Variants in LRP1B observed in about 807,000 individuals in gnomAD.
The protein encoded by LRP1B is LDL receptor related protein 1B, also known as low-density lipoprotein receptor-related protein 1B.
A neutral mutation model predicts 556.6 loss-of-function variants in LRP1B; 217 were observed. The observed-to-expected ratio is 0.39, with a 90% confidence interval of 0.35 to 0.44. The LOEUF (loss-of-function observed/expected upper bound fraction) is 0.44. Ranked by LOEUF, LRP1B falls within the 20% of genes least tolerant of loss-of-function variation. The probability of loss-of-function intolerance (pLI) is 1.00; values close to 1 mark genes in which losing one functional copy is unlikely to be tolerated. For missense variants in LRP1B, 5,053 were observed against 5,620.8 expected (o/e 0.90, Z 3.23); for synonymous variants, 2,047 against 1,865.8 (o/e 1.10, Z -2.50).
chr2:141,393,076 C>T (rs1400371213), intron 3 of LRP1B, among the ~76,000 whole-genome samples: 1 of 152,166 alleles, frequency 6.6e-6, no homozygotes, highest in African/African-American at 2.4e-5. Flanking sequence ...TTCTGTGGAG[C>T]ACCCATATTG....
At chr2:140,489,835 C>T (rs1056820593) in intron 57 of LRP1B, among the ~76,000 whole-genome samples, 1 of 152,136 alleles carries the variant, frequency 6.6e-6, no homozygotes, top group South Asian at 2.1e-4. Flanking sequence ...TTATCCTATT[C>T]CTTCTTTACA....
intron 35 of LRP1B, among the ~76,000 whole-genome samples, chr2:140,761,483 T>A (rs1430948634): frequency 2.6e-5 from 4 of 152,136 alleles, no homozygotes; most frequent in African/African-American, 9.7e-5. Flanking sequence ...TGATGGGATA[T>A]CATTTCTGAG....
At chr2:142,055,007 G>A (rs1226043492) in intron 1 of LRP1B, among the ~76,000 whole-genome samples, 4 of 152,134 alleles carry the variant, frequency 2.6e-5, no homozygotes, top group African/African-American at 9.7e-5. Context: ...AGCTCACTGT[G>A]TGAGAGAAAA....
chr2:140,958,021 T>C (rs573824826), intron 18 of LRP1B, among the ~76,000 whole-genome samples: 2 of 151,562 alleles, frequency 1.3e-5, no homozygotes, highest in South Asian at 4.1e-4. Context: ...CAAATAAAAA[T>C]TAATCCAGGC....
chr2:140,728,962 A>T (rs1362658995), intron 35 of LRP1B, among the ~76,000 whole-genome samples: 2 of 152,078 alleles, frequency 1.3e-5, no homozygotes, highest in East Asian at 3.9e-4. Flanking sequence ...AACTATCATA[A>T]ACTTTAAAAT....
At chr2:140,979,265 C>A (rs376206295) in intron 18 of LRP1B, among the ~76,000 whole-genome samples, 47 of 152,286 alleles carry the variant, frequency 3.1e-4, no homozygotes, top group African/African-American at 1.1e-3. Flanking sequence ...AGGCATGAAC[C>A]ACCACACCTG....
chr2:140,537,405 A>G (rs1250281585), intron 45 of LRP1B, among the ~76,000 whole-genome samples: 1 of 151,868 alleles, frequency 6.6e-6, no homozygotes, highest in Non-Finnish European at 1.5e-5. Flanking sequence ...TCAAATGAAC[A>G]ATCCGGACTT....
intron 1 of LRP1B, among the ~76,000 whole-genome samples, chr2:141,901,913 A>ATATG (rs1425454024): frequency 2.0e-5 from 3 of 151,424 alleles, no homozygotes; most frequent in African/African-American, 7.2e-5. Flanking sequence ...TCAAGAACAA[A>ATATG]TATGTGTATG....
intron 25 of LRP1B, among the ~76,000 whole-genome samples, chr2:140,883,240 C>T (rs1222966435): frequency 6.6e-6 from 1 of 152,132 alleles, no homozygotes; most frequent in Non-Finnish European, 1.5e-5. Context: ...AGGGCAGTAA[C>T]CTGAGTTACT....
At chr2:141,738,150 G>A (rs1180880133) in intron 2 of LRP1B, among the ~76,000 whole-genome samples, 1 of 152,010 alleles carries the variant, frequency 6.6e-6, no homozygotes. Flanking sequence ...CTGTACATAT[G>A]AGAACATTAC....
intron 32 of LRP1B, among the ~76,000 whole-genome samples, chr2:140,788,359 C>A (rs761056312): frequency 1.3e-5 from 2 of 152,132 alleles, no homozygotes; most frequent in Non-Finnish European, 2.9e-5. Flanking sequence ...GATGGATTTG[C>A]ACAACTTTTC....
At chr2:141,007,822 A>G (rs1004475947) in intron 14 of LRP1B, among the ~76,000 whole-genome samples, 1 of 151,774 alleles carries the variant, frequency 6.6e-6, no homozygotes, top group Non-Finnish European at 1.5e-5. Context: ...TTCTAAATGA[A>G]TATGAAATTT....
Position 141,427,858 on chromosome 2 carries a change from G to A in LRP1B, c.343+52538C>T, listed in dbSNP as rs561192663. ...TATAAAGCTATAAAATGCTTTCTTA[G>A]TATTGCACTGATAGTGCACAATAGT... On this transcript the variant is annotated intron_variant, in intron 3 of 90. Transcript: ENST00000389484. 1.2e-3 allele frequency among the ~76,000 whole-genome samples: 189 copies of A among 152,072 alleles called. 1 individual carries two copies. The highest frequency in any genetic ancestry group is 4.4e-3 in the African/African-American group (182 of 41,484).
chr2:141,620,237 C>A (rs1469946240), intron 2 of LRP1B, among the ~76,000 whole-genome samples: 2 of 152,208 alleles, frequency 1.3e-5, no homozygotes, highest in Non-Finnish European at 1.5e-5. Flanking sequence ...CCATGCCCAG[C>A]CATAACTGGC....
At chr2:141,655,923 A>G (rs35196414) in intron 2 of LRP1B, among the ~76,000 whole-genome samples, 62,932 of 151,956 alleles carry the variant, frequency 0.41, 13,474 homozygotes, top group Non-Finnish European at 0.47. Context: ...TAGCATTAAA[A>G]AAACATTTTT....
chr2:140,994,874 A>G (rs376641975), intron 15 of LRP1B, among the ~76,000 whole-genome samples: 3 of 152,096 alleles, frequency 2.0e-5, no homozygotes, highest in African/African-American at 7.2e-5. Flanking sequence ...AATTGAAACT[A>G]TAAAACATTG....
At chr2:140,366,514 A>G (rs1186895093) in intron 71 of LRP1B, among the ~76,000 whole-genome samples, 1 of 151,714 alleles carries the variant, frequency 6.6e-6, no homozygotes. Flanking sequence ...TGATCAGAAT[A>G]TAGTTATGAT....
intron 2 of LRP1B, among the ~76,000 whole-genome samples, chr2:141,725,427 A>T (rs1443528697): frequency 6.6e-6 from 1 of 151,934 alleles, no homozygotes; most frequent in Non-Finnish European, 1.5e-5. Flanking sequence ...ATCAGAGATC[A>T]AAATGGTAGA....
intron 3 of LRP1B, among the ~76,000 whole-genome samples, chr2:141,347,912 A>C (rs1688311152): frequency 6.6e-6 from 1 of 152,118 alleles, no homozygotes; most frequent in South Asian, 2.1e-4. Flanking sequence ...TTGAATGGAA[A>C]TAATATTTAA....
Sources: gnomAD v4.1 joint callset for allele counts (sites outside exome capture counted in the v4.1 genomes callset) on GRCh38, gnomAD v4.1.1 for gene constraint, MANE v1.5 for transcripts, NCBI Gene and HGNC (gene_info 2026-07-23, HGNC 2026-07-21) for gene names.